The following PARD3B variants were observed in gnomAD, a reference collection of about 807,000 sequenced individuals.
PARD3B encodes the protein partitioning defective 3 homolog B.
A neutral mutation model predicts 130.2 loss-of-function variants in PARD3B; 103 were observed. The observed-to-expected ratio is 0.79, with a 90% CI of 0.67 to 0.93. The LOEUF (loss-of-function observed/expected upper bound fraction) is 0.93. Among genes scored for constraint, PARD3B ranks in the 40% least tolerant of loss-of-function variants. PARD3B has a pLI of 0.00. For synonymous variants in PARD3B, 583 were observed against 553.2 expected, an observed-to-expected ratio of 1.05 and a Z score of -0.76; for missense variants, 1,609 against 1,499.2, an observed-to-expected ratio of 1.07 and a Z score of -1.21.
chr2:205,295,081 T>TA (rs1354304007), intron 16 of PARD3B, among the ~76,000 whole-genome samples: 2 of 49,644 alleles, frequency 4.0e-5, no homozygotes, highest in African/African-American at 1.1e-4. Context: ...GAAATCTACT[T>TA]AAAAAATCAA....
chr2:205,607,888 GAAGA>G (rs2055072318), intron 22 of PARD3B, among the ~76,000 whole-genome samples: 2 of 141,862 alleles, frequency 1.4e-5, no homozygotes, highest in Non-Finnish European at 3.0e-5. Context: ...ACAGAGGCAT[GAAGA>G]TGGAAGTGTT....
chr2:204,717,630 G>T (rs1033485571), intron 2 of PARD3B, among the ~76,000 whole-genome samples: 1 of 152,156 alleles, frequency 6.6e-6, no homozygotes, highest in Non-Finnish European at 1.5e-5. Flanking sequence ...ATTATAGAAT[G>T]AGCAGTGAGA....
At chr2:204,560,277 T>C (rs2031224355) in intron 1 of PARD3B, among the ~76,000 whole-genome samples, 1 of 152,198 alleles carries the variant, frequency 6.6e-6, no homozygotes, top group Non-Finnish European at 1.5e-5. Flanking sequence ...AATCTGATCA[T>C]CTAAAAGTCA....
At chr2:204,955,036 T>A (rs1366888553) in intron 2 of PARD3B, among the ~76,000 whole-genome samples, 1 of 152,190 alleles carries the variant, frequency 6.6e-6, no homozygotes, top group Non-Finnish European at 1.5e-5. Context: ...AGAATACTTG[T>A]CAAAATAAAT....
intron 19 of PARD3B, among the ~76,000 whole-genome samples, chr2:205,414,283 T>C (rs1463559844): frequency 6.6e-6 from 1 of 152,176 alleles, no homozygotes; most frequent in Non-Finnish European, 1.5e-5. Context: ...ATGTCTTTTC[T>C]TCATGTCTAA....
At chr2:204,696,052 G>A (rs2037593122) in intron 2 of PARD3B, among the ~76,000 whole-genome samples, 1 of 151,978 alleles carries the variant, frequency 6.6e-6, no homozygotes, top group Non-Finnish European at 1.5e-5. Flanking sequence ...GATAACGTCT[G>A]CATAGGTTAT....
In PARD3B at chr2:205,229,347, C is replaced by T. The variant is rs1364786709; in HGVS notation, c.2141-16431C>T. Among the ~76,000 whole-genome samples the T allele has an allele frequency of 1.3e-5, 2 of 152,196 alleles. No individual in the cohort carries two copies. The highest frequency in any genetic ancestry group is 4.8e-5 in the African/African-American group (2 of 41,458). ...GACCTTAATCTTCGGCCCCTGCAACCATAACTGCATTAGGGGGCACCCCAA... is the reference window on the plus strand; with the variant it reads ...GACCTTAATCTTCGGCCCCTGCAACTATAACTGCATTAGGGGGCACCCCAA... On this transcript the variant is annotated intron_variant, in intron 15 of 22. Transcript: ENST00000406610. This position sits in a 1 kb window ranked among gnomAD's most constrained non-coding sequence, Gnocchi z 5.2.
At chr2:205,190,140 G>C (rs1559525640) in intron 14 of PARD3B, among the ~76,000 whole-genome samples, 2 of 152,152 alleles carry the variant, frequency 1.3e-5, no homozygotes, top group Non-Finnish European at 2.9e-5. Context: ...TGCATCGAGT[G>C]TCATTGCCAC....
At chr2:204,911,092 CT>C (rs1213664955) in intron 2 of PARD3B, among the ~76,000 whole-genome samples, 2 of 152,084 alleles carry the variant, frequency 1.3e-5, no homozygotes, top group South Asian at 2.1e-4. Context: ...TGTTAACACC[CT>C]TTTTTCCTCA....
chr2:205,137,723 T>C (rs2032605837), intron 10 of PARD3B, among the ~76,000 whole-genome samples: 1 of 152,204 alleles, frequency 6.6e-6, no homozygotes, highest in African/African-American at 2.4e-5. Flanking sequence ...TCCTTACACG[T>C]GTCTGTCAGT....
At chr2:204,833,363 A>C (rs1432018060) in intron 2 of PARD3B, among the ~76,000 whole-genome samples, 1 of 152,190 alleles carries the variant, frequency 6.6e-6, no homozygotes, top group Non-Finnish European at 1.5e-5. Context: ...TTAACACAGC[A>C]GAGCCAGAAC....
intron 22 of PARD3B, among the ~76,000 whole-genome samples, chr2:205,571,092 T>G (rs1042920320): frequency 3.3e-5 from 5 of 152,224 alleles, no homozygotes; most frequent in African/African-American, 1.2e-4. Flanking sequence ...AGACTTTAGC[T>G]GCTGGTGGAG....
intron 2 of PARD3B, among the ~76,000 whole-genome samples, chr2:204,846,636 T>G (rs2044472062): frequency 1.3e-5 from 2 of 150,648 alleles, no homozygotes; most frequent in African/African-American, 4.9e-5. Context: ...TTCTCTCTCT[T>G]TCCCCAGCTA....
At chr2:205,215,255 A>T (rs1461888268) in intron 15 of PARD3B, among the ~76,000 whole-genome samples, 1 of 151,994 alleles carries the variant, frequency 6.6e-6, no homozygotes, top group Non-Finnish European at 1.5e-5. Flanking sequence ...TGATCCTAAG[A>T]GTTCACTTTG....
rs1359417987 is a variant in PARD3B, at chr2:204,610,843, A to G, written c.120+64724A>G. Among the ~76,000 whole-genome samples the G allele has an allele frequency of 2.0e-5, 3 of 152,200 alleles. No homozygotes were observed. Among genetic ancestry groups the G allele is most frequent in the Admixed American group, 1.3e-4 (2 of 15,278 alleles). ...ATTGGAAGTATTTATTATTTACATA[A>G]CAGTATTTCTAGTATATAAAATTCA... On this transcript the variant is annotated intron_variant, in intron 1 of 22. Transcript: ENST00000406610. The surrounding 1 kb of genome is among the most constrained non-coding windows in gnomAD (Gnocchi z 4.1).
At position 205,146,703 on chromosome 2, in the gene PARD3B, T is replaced by C. The variant is rs2033388912; in HGVS notation, c.1435-12019T>C. Among the ~76,000 whole-genome samples, 1 of 152,132 alleles carries C rather than the reference T, an allele frequency of 6.6e-6. No individual in the cohort carries two copies. The highest frequency in any genetic ancestry group is 1.5e-5 in the Non-Finnish European group (1 of 68,016). The stretch of plus-strand genomic sequence containing the variant: ...TTTGTTCCTGAATCTTATGTTCATA[T>C]AAAAGGACACATTCTTTTTTTATTT... On this transcript the variant is annotated intron_variant, in intron 10 of 22. Transcript: ENST00000406610. The surrounding 1 kb of genome is among the most constrained non-coding windows in gnomAD (Gnocchi z 4.3).
chr2:205,249,006 GTTTTT>G (rs10707308), intron 16 of PARD3B, among the ~76,000 whole-genome samples: 1 of 95,084 alleles, frequency 1.1e-5, no homozygotes, highest in Non-Finnish European at 2.0e-5. Flanking sequence ...TAAAATAAGA[GTTTTT>G]TTTTTTTTTT....
chr2:205,478,712 G>C (rs1424188749), intron 20 of PARD3B, among the ~76,000 whole-genome samples: 1 of 152,138 alleles, frequency 6.6e-6, no homozygotes, highest in African/African-American at 2.4e-5. Flanking sequence ...AGGATGAGGA[G>C]CTAAATTTAA....
intron 1 of PARD3B, among the ~76,000 whole-genome samples, chr2:204,592,661 A>G (rs1395256316): frequency 2.0e-5 from 3 of 152,238 alleles, no homozygotes; most frequent in Non-Finnish European, 4.4e-5. Context: ...TAAAAAATGC[A>G]GAAATCAATG....
Sources: allele counts gnomAD v4.1 joint callset (sites outside exome capture counted in the v4.1 genomes callset), GRCh38; gene constraint gnomAD v4.1.1; non-coding constraint Gnocchi (gnomAD v3.1); transcripts MANE v1.5; gene names NCBI Gene and HGNC (gene_info 2026-07-23, HGNC 2026-07-21).